Variants in ARNT2 observed in about 807,000 individuals in gnomAD.
ARNT2 encodes aryl hydrocarbon receptor nuclear translocator 2.
In ARNT2, 36 loss-of-function variants were observed where a neutral mutation model predicts 91.7. That is an observed-to-expected ratio of 0.39 (90% confidence interval 0.30 to 0.52). The LOEUF (loss-of-function observed/expected upper bound fraction) is 0.52, where lower values mean the gene tolerates loss of function less well. ARNT2 is among the 20% of genes least tolerant of loss of function. The pLI is 0.72. For synonymous variants in ARNT2, 365 were observed against 347.1 expected (o/e 1.05, Z -0.57); for missense variants, 775 against 939.3 (o/e 0.83, Z 2.29).
intron 15 of ARNT2, 200 bp from the exon 16 acceptor site, chr15:80,580,211 T>C: frequency 7.6e-6 from 5 of 654,930 alleles, no homozygotes; most frequent in Non-Finnish European, 1.4e-5. Context: ...TACTCAGCAG[T>C]GTAGAGGAAG....
chr15:80,463,520 G>T (rs185432179), intron 3 of ARNT2, among the ~76,000 whole-genome samples: 1 of 151,544 alleles, frequency 6.6e-6, no homozygotes, highest in Admixed American at 6.6e-5. Flanking sequence ...TGGAATGAAA[G>T]ATTTTGTAGG....
Position 80,597,283 on chromosome 15 carries a change from C to G in ARNT2, c.*3585C>G, listed in dbSNP as rs768057817. ...TGTGAACGCTCACCTTGCTCCGTCA[C>G]GGTTCTGACCTACCACATAAACAGG... On this transcript the variant is annotated 3_prime_UTR_variant, in exon 19 of 19. Coordinates refer to ENST00000303329, the MANE Select transcript of ARNT2 (RefSeq NM_014862.4). The G allele has an allele frequency of 5.8e-6, 3 of 518,476 alleles. No homozygotes were observed. The highest frequency in any genetic ancestry group is 1.9e-5 in the African/African-American group (1 of 51,812). 32.1% of individuals were successfully genotyped at this position (518,476 alleles called of 1,614,324 possible). A position where few individuals can be genotyped will look rare whatever the true frequency, so the allele number is the denominator to read the frequency against.
At chr15:80,471,131 T>C (rs1165160813) in intron 4 of ARNT2, among the ~76,000 whole-genome samples, 1 of 152,240 alleles carries the variant, frequency 6.6e-6, no homozygotes, top group Non-Finnish European at 1.5e-5. Flanking sequence ...TCAACATAAA[T>C]GTTCATCAAT....
chr15:80,423,999 C>T (rs1381152137), intron 1 of ARNT2, among the ~76,000 whole-genome samples: 3 of 152,220 alleles, frequency 2.0e-5, no homozygotes, highest in African/African-American at 7.2e-5. Context: ...GCTTTCCCCA[C>T]CTTGTGTTGG....
chr15:80,418,036 C>T lies in ARNT2; in HGVS notation c.31+13490C>T, dbSNP rs184015315. ...AATGTTTGGGATGGTACCTGGCACACAGTAGGTGCTCTGTAAGCACTACTT... is the reference window on the plus strand; with the variant it reads ...AATGTTTGGGATGGTACCTGGCACATAGTAGGTGCTCTGTAAGCACTACTT... On this transcript the variant is annotated intron_variant, in intron 1 of 18. Transcript: ENST00000303329. 6.6e-5 allele frequency among the ~76,000 whole-genome samples: 10 copies of T among 152,334 alleles called. No individual in the cohort carries two copies. In the East Asian group the frequency reaches 1.5e-3, roughly 24 times the overall value.
intron 8 of ARNT2, among the ~76,000 whole-genome samples, chr15:80,523,178 A>G (rs1284977170): frequency 1.3e-5 from 2 of 152,116 alleles, no homozygotes; most frequent in African/African-American, 4.8e-5. Context: ...TTTGTATTAG[A>G]AGTTTGTTTG....
At chr15:80,531,420 C>T (rs1424746820) in intron 8 of ARNT2, among the ~76,000 whole-genome samples, 1 of 152,210 alleles carries the variant, frequency 6.6e-6, no homozygotes, top group African/African-American at 2.4e-5. Flanking sequence ...TAATGTGGGG[C>T]ACAATGAGCT....
At chr15:80,442,987 G>C in intron 1 of ARNT2, 1 of 985,374 alleles carries the variant, frequency 1.0e-6, no homozygotes, top group Non-Finnish European at 1.2e-6. Context: ...CTCTCACCTG[G>C]ACTGCTGTGA....
intron 2 of ARNT2, among the ~76,000 whole-genome samples, chr15:80,457,709 T>C (rs1045764042): frequency 1.3e-5 from 2 of 152,342 alleles, no homozygotes; most frequent in African/African-American, 4.8e-5. Context: ...TTCCCAGCCA[T>C]AGAATTAGTG....
At chr15:80,504,046 C>T (rs144688036) in intron 5 of ARNT2, among the ~76,000 whole-genome samples, 1 of 152,308 alleles carries the variant, frequency 6.6e-6, no homozygotes, top group East Asian at 1.9e-4. Context: ...CAGAGTGCAG[C>T]GAGGAAGGTG....
intron 4 of ARNT2, among the ~76,000 whole-genome samples, chr15:80,470,917 T>C (rs1482992509): frequency 6.6e-6 from 1 of 152,262 alleles, no homozygotes; most frequent in Non-Finnish European, 1.5e-5. Flanking sequence ...GGAACACTTA[T>C]ACACTGCTGG....
At chr15:80,554,381 C>T (rs1898138957) in intron 10 of ARNT2, among the ~76,000 whole-genome samples, 2 of 152,230 alleles carry the variant, frequency 1.3e-5, no homozygotes, top group Admixed American at 1.3e-4. Flanking sequence ...TGCACTCCAG[C>T]CTGGGGGACA....
At chr15:80,583,014 C>T (rs1898827273) in intron 17 of ARNT2, among the ~76,000 whole-genome samples, 1 of 152,202 alleles carries the variant, frequency 6.6e-6, no homozygotes. Flanking sequence ...GACCATCTGG[C>T]ACCGATCTAC....
intron 5 of ARNT2, among the ~76,000 whole-genome samples, chr15:80,493,509 G>A (rs1897084667): frequency 6.6e-6 from 1 of 152,164 alleles, no homozygotes; most frequent in South Asian, 2.1e-4. Context: ...TCAGAAGCAG[G>A]CTGTGGCAGC....
chr15:80,488,976 A>G (rs1897016529), intron 5 of ARNT2, among the ~76,000 whole-genome samples: 1 of 152,226 alleles, frequency 6.6e-6, no homozygotes, highest in South Asian at 2.1e-4. Context: ...ACAGGAAACT[A>G]CAACAGAAAT....
At chr15:80,524,332 TA>T (rs1156670841) in intron 8 of ARNT2, among the ~76,000 whole-genome samples, 3 of 152,196 alleles carry the variant, frequency 2.0e-5, no homozygotes, top group African/African-American at 7.2e-5. Context: ...TTTTGTAGAA[TA>T]ACCTGGCAGT....
chr15:80,438,082 T>C (rs1016099571), intron 1 of ARNT2, among the ~76,000 whole-genome samples: 3 of 152,186 alleles, frequency 2.0e-5, no homozygotes, highest in South Asian at 4.1e-4. Flanking sequence ...TGCTGAATCA[T>C]TGAATGAAAA....
intron 8 of ARNT2, among the ~76,000 whole-genome samples, chr15:80,525,010 G>A (rs754895436): frequency 3.9e-5 from 6 of 152,080 alleles, no homozygotes; most frequent in Non-Finnish European, 7.4e-5. Flanking sequence ...AAAATGATAC[G>A]GAGAATAGTA....
chr15:80,416,903 A>G (rs1895793276), intron 1 of ARNT2, among the ~76,000 whole-genome samples: 1 of 152,208 alleles, frequency 6.6e-6, no homozygotes, highest in African/African-American at 2.4e-5. Flanking sequence ...TTAGTCATTT[A>G]AGATGCCATT....
Sources: gnomAD v4.1 joint callset for allele counts (sites outside exome capture counted in the v4.1 genomes callset) on GRCh38, gnomAD v4.1.1 for gene constraint, MANE v1.5 for transcripts, NCBI Gene and HGNC (gene_info 2026-07-23, HGNC 2026-07-21) for gene names.